Variants in GPBP1 observed in about 807,000 individuals in gnomAD.
GPBP1 encodes vasculin.
GPBP1 carries 13 observed loss-of-function variants against 56.5 expected under a neutral mutation model. The observed-to-expected ratio is 0.23, with a 90% CI of 0.15 to 0.37. GPBP1 has a LOEUF of 0.37. Ranked by LOEUF, GPBP1 falls within the 10% of genes least tolerant of loss-of-function variation. The probability of loss-of-function intolerance (pLI) is 1.00; values close to 1 mark genes in which losing one functional copy is unlikely to be tolerated. For missense variants in GPBP1, 477 were observed against 572.3 expected, an observed-to-expected ratio of 0.83 and a Z score of 1.70; for synonymous variants, 204 against 188.9, an observed-to-expected ratio of 1.08 and a Z score of -0.66.
intron 2 of GPBP1, among the ~76,000 whole-genome samples, chr5:57,206,553 G>A (rs948824867): frequency 6.6e-6 from 1 of 151,920 alleles, no homozygotes; most frequent in Non-Finnish European, 1.5e-5. Flanking sequence ...CACCTACAAC[G>A]ATGCCATGTT....
At chr5:57,253,747 C>T (rs1330660696) in intron 10 of GPBP1, among the ~76,000 whole-genome samples, 3 of 151,990 alleles carry the variant, frequency 2.0e-5, no homozygotes, top group African/African-American at 7.2e-5. Context: ...TATATTTCTC[C>T]TGCCAAGGGT....
rs184136828 is a variant in GPBP1 at position 57,175,393 on chromosome 5, T to C, written c.-1010-55T>C. 2.0e-5 allele frequency: 8 copies of C among 395,938 alleles called. No homozygotes were observed. In the East Asian group the frequency reaches 2.5e-4, roughly 12 times the overall value. 24.5% of individuals were successfully genotyped at this position (395,938 alleles called of 1,614,324 possible). A position where few individuals can be genotyped will look rare whatever the true frequency, so the allele number is the denominator to read the frequency against. On this transcript the variant is annotated intron_variant, in intron 1 of 11. Coordinates refer to ENST00000506184, the MANE Select transcript of GPBP1 (RefSeq NM_022913.4). ...GTTGACTTTTTAAGTTGGGGATTGATTTTTTTAGCTCAAAATCAAAACTCA... is the reference window on the plus strand; with the variant it reads ...GTTGACTTTTTAAGTTGGGGATTGACTTTTTTAGCTCAAAATCAAAACTCA...
intron 10 of GPBP1, among the ~76,000 whole-genome samples, chr5:57,256,398 AT>A (rs71602995): frequency 0.21 from 31,454 of 151,994 alleles, 4,018 homozygotes; most frequent in Middle Eastern, 0.3. Context: ...ATATGTTTTA[AT>A]TTTTTTTGAG....
chr5:57,236,457 G>A lies in GPBP1; in HGVS notation c.478+425G>A, dbSNP rs535488837. 6.6e-4 allele frequency among the ~76,000 whole-genome samples: 100 copies of A among 151,838 alleles called. 3 individuals carry two copies. The South Asian group carries it at 0.02, about 30-fold the overall frequency. The stretch of plus-strand genomic sequence containing the variant: ...TATTTTTACCTATGAAAGTGGTTAC[G>A]TATATATATATACACATATATGTAT... On this transcript the variant is annotated intron_variant, in intron 6 of 11. Coordinates refer to ENST00000506184, the MANE Select transcript of GPBP1 (RefSeq NM_022913.4).
intron 2 of GPBP1, among the ~76,000 whole-genome samples, chr5:57,201,568 T>C (rs1404504122): frequency 6.6e-6 from 1 of 152,206 alleles, no homozygotes; most frequent in African/African-American, 2.4e-5. Context: ...GGATTTTACA[T>C]AGTTCAGCAG....
At chr5:57,212,649 C>T (rs1471749237) in intron 2 of GPBP1, among the ~76,000 whole-genome samples, 3 of 150,522 alleles carry the variant, frequency 2.0e-5, no homozygotes, top group Non-Finnish European at 3.0e-5. Context: ...TACTCTTAAC[C>T]TTTCTTTTCT....
intron 2 of GPBP1, among the ~76,000 whole-genome samples, chr5:57,213,268 C>T (rs1755568366): frequency 6.6e-6 from 1 of 152,022 alleles, no homozygotes; most frequent in South Asian, 2.1e-4. Context: ...CTAGGCTGGT[C>T]TCGAACTCCT....
At chr5:57,252,750 G>A (rs994665834) in intron 10 of GPBP1, among the ~76,000 whole-genome samples, 1 of 145,496 alleles carries the variant, frequency 6.9e-6, no homozygotes, top group Non-Finnish European at 1.5e-5. Context: ...TTGCTCTGTT[G>A]CCCAGGCTGG....
At chr5:57,240,970 A>AG (rs1740799449) in intron 6 of GPBP1, among the ~76,000 whole-genome samples, 1 of 152,170 alleles carries the variant, frequency 6.6e-6, no homozygotes, top group Non-Finnish European at 1.5e-5. Context: ...AAAAAAAAAA[A>AG]AAGGCATTGT....
Position 57,249,413 on chromosome 5 carries a change from A to C in GPBP1, c.809A>C (p.Asn270Thr). The change falls in exon 9 of 12, where the codon AAT becomes ACT. Residue 270 changes from asparagine (N) to threonine (T), a missense_variant. By Grantham distance (65) the Asn-to-Thr change is moderately conservative (BLOSUM62 0). This residue lies in a region of GPBP1 where 414 missense variants were observed against 458.2 expected (regional missense o/e 0.90). Transcript: ENST00000506184. ...TATTTCTGAATTTCCTCTTAGTGTA[A>C]TCGCTCAAATTCCTCTTCTCCTGTT... ...SPSTNSVKECNRSNSSSPVDK... is the reference protein window; with the variant it reads ...SPSTNSVKECTRSNSSSPVDK... 1.3e-6 allele frequency: 2 copies of C among 1,593,408 alleles called. No individual in the cohort carries two copies. Among genetic ancestry groups the C allele is most frequent in the Non-Finnish European group, 1.7e-6 (2 of 1,173,018 alleles).
intron 6 of GPBP1, among the ~76,000 whole-genome samples, chr5:57,245,308 A>G (rs1334983880): frequency 6.6e-6 from 1 of 152,156 alleles, no homozygotes; most frequent in Non-Finnish European, 1.5e-5. Flanking sequence ...GAAGCACCAT[A>G]CCGGCTTTAT....
chr5:57,187,281 A>G (rs1754333267), intron 2 of GPBP1, among the ~76,000 whole-genome samples: 1 of 152,178 alleles, frequency 6.6e-6, no homozygotes. Flanking sequence ...TTAGATATCT[A>G]ATTCATACTT....
rs181826251 is a variant in GPBP1, at chr5:57,243,895, C to T, written c.479-2405C>T. 3.2e-3 allele frequency among the ~76,000 whole-genome samples: 487 copies of T among 151,868 alleles called. 4 individuals are homozygous for T. Among genetic ancestry groups the T allele is most frequent in the Middle Eastern group, 6.8e-3 (2 of 294 alleles). On this transcript the variant is annotated intron_variant, in intron 6 of 11. Transcript: ENST00000506184. ...GTAGAGACAAAGTTTCACTATATTG[C>T]CCAGGCTGGTCTTGGACTCCTGGAC...
chr5:57,196,893 C>T (rs377674648), intron 2 of GPBP1, among the ~76,000 whole-genome samples: 4 of 151,992 alleles, frequency 2.6e-5, no homozygotes, highest in South Asian at 2.1e-4. Flanking sequence ...GCGATTCTCC[C>T]GCCTCAGCTT....
At chr5:57,249,249 A>AG in intron 8 of GPBP1, 160 bp from the exon 9 acceptor site, 2 of 501,338 alleles carry the variant, frequency 4.0e-6, no homozygotes. Context: ...CTCATTCAGT[A>AG]GGGGAAAAAA....
rs543283136 is a variant in GPBP1, at chr5:57,258,234, G to A, written c.1161-2946G>A. On this transcript the variant is annotated intron_variant, in intron 10 of 11. Transcript: ENST00000506184. ...AATGAAAAAGCAAAGTACAGATAAG[G>A]GTTACAGTAATATAGTCAGTCATGC... Among the ~76,000 whole-genome samples the A allele has an allele frequency of 2.0e-5, 3 of 152,266 alleles. No individual in the cohort carries two copies. The South Asian group carries it at 6.2e-4, about 32-fold the overall frequency.
chr5:57,261,407 A>T, intron 11 of GPBP1, 125 bp downstream of exon 11: 1 of 569,372 alleles, frequency 1.8e-6, no homozygotes, highest in Non-Finnish European at 3.2e-6. Flanking sequence ...ATTGCTTTTA[A>T]AAAAAAAAAG....
In GPBP1 at chr5:57,251,845, C is replaced by T. The variant is rs74925447; in HGVS notation, c.1160+704C>T. ...TAGTTTCTCCACATTCTTACCAACA[C>T]ATGGTACCATCTATCTTTGATTACA... On this transcript the variant is annotated intron_variant, in intron 10 of 11. Coordinates refer to ENST00000506184, the MANE Select transcript of GPBP1 (RefSeq NM_022913.4). Among the ~76,000 whole-genome samples the T allele has an allele frequency of 4.3e-3, 652 of 152,288 alleles. 31 individuals carry two copies. In the East Asian group the frequency reaches 0.1, roughly 24 times the overall value.
Position 57,261,658 on chromosome 5 carries a change from G to GT in GPBP1, c.1263+382dup, listed in dbSNP as rs934516453. Among the ~76,000 whole-genome samples the GT allele has an allele frequency of 8.5e-5, 13 of 152,188 alleles. 1 individual carries two copies. In the South Asian group the frequency reaches 1.2e-3, roughly 15 times the overall value. On this transcript the variant is annotated intron_variant, in intron 11 of 11. Transcript: ENST00000506184. The stretch of plus-strand genomic sequence containing the variant: ...TCATTTTCCAGACCTTTTTTGTTTT[G>GT]TTTTTTGTTTTTGTTTTTGGCTTTT...
Sources: gnomAD v4.1 joint callset for allele counts (sites outside exome capture counted in the v4.1 genomes callset) on GRCh38, gnomAD v4.1.1 for gene constraint, gnomAD v4.1.1 regional missense constraint, MANE v1.5 for transcripts, NCBI Gene and HGNC (gene_info 2026-07-23, HGNC 2026-07-21) for gene names.